Variants in MAN1A1 observed in about 807,000 individuals in gnomAD.
The protein encoded by MAN1A1 is mannosyl-oligosaccharide 1,2-alpha-mannosidase IA.
MAN1A1 carries 29 observed loss-of-function variants against 70.8 expected under a neutral mutation model. The observed-to-expected ratio is 0.41, with a 90% confidence interval of 0.31 to 0.56. The LOEUF is 0.56. Ranked by LOEUF, MAN1A1 falls within the 20% of genes least tolerant of loss-of-function variation. The pLI, the probability that MAN1A1 is intolerant of heterozygous loss-of-function variation, is 0.29. For missense variants in MAN1A1, 747 were observed against 841.3 expected, an observed-to-expected ratio of 0.89 and a Z score of 1.39; for synonymous variants, 349 against 330.1, an observed-to-expected ratio of 1.06 and a Z score of -0.62.
intron 10 of MAN1A1, among the ~76,000 whole-genome samples, chr6:119,189,129 T>C (rs1227920579): frequency 5.3e-5 from 8 of 152,328 alleles, no homozygotes; most frequent in Non-Finnish European, 7.3e-5. Flanking sequence ...ATTTATTTTT[T>C]TCATTTAACC....
intron 6 of MAN1A1, among the ~76,000 whole-genome samples, chr6:119,242,134 G>GACACACATACACAC (rs1554207762): frequency 6.6e-6 from 1 of 150,526 alleles, no homozygotes; most frequent in African/African-American, 2.5e-5. Flanking sequence ...CAGACAGACA[G>GACACACATACACAC]ACACACACAC....
chr6:119,178,012 G>A lies in MAN1A1; in HGVS notation c.*1807C>T, dbSNP rs949427868. On this transcript the variant is annotated 3_prime_UTR_variant, in exon 13 of 13. Coordinates refer to ENST00000368468, the MANE Select transcript of MAN1A1 (RefSeq NM_005907.4). The stretch of plus-strand genomic sequence containing the variant: ...TCTTGCTATCCATTCATTTCATTAG[G>A]TGAACTGAAGATATGAGTGGGAGAA... 9.9e-5 allele frequency: 15 copies of A among 152,156 alleles called. No homozygotes were observed. The highest frequency in any genetic ancestry group is 3.4e-3 in the Middle Eastern group (1 of 294). The allele number at this position is 152,156 out of a possible 1,614,324, so 9.4% of individuals were successfully genotyped here. A position where few individuals can be genotyped will look rare whatever the true frequency, so the allele number is the denominator to read the frequency against.
chr6:119,264,003 G>C (rs750575467), intron 5 of MAN1A1, among the ~76,000 whole-genome samples: 42 of 152,224 alleles, frequency 2.8e-4, no homozygotes, highest in Non-Finnish European at 4.6e-4. Context: ...CTTTCCTAAA[G>C]AGTGGTGACA....
At chr6:119,182,773 G>A (rs911297753) in intron 11 of MAN1A1, among the ~76,000 whole-genome samples, 1 of 152,040 alleles carries the variant, frequency 6.6e-6, no homozygotes, top group Non-Finnish European at 1.5e-5. Flanking sequence ...TAAAGAAAAT[G>A]TAAACAAGAT....
At chr6:119,288,371 T>C (rs1206744119) in intron 5 of MAN1A1, among the ~76,000 whole-genome samples, 3 of 152,110 alleles carry the variant, frequency 2.0e-5, no homozygotes, top group East Asian at 1.9e-4. Flanking sequence ...GTCTGATCTA[T>C]GTAAAAAGTG....
chr6:119,296,195 A>T (rs1233406657), intron 4 of MAN1A1, among the ~76,000 whole-genome samples: 1 of 152,190 alleles, frequency 6.6e-6, no homozygotes, highest in Non-Finnish European at 1.5e-5. Context: ...AAGCAACGTG[A>T]CAAATCTCTT....
At chr6:119,192,396 T>C (rs1324515253) in intron 9 of MAN1A1, among the ~76,000 whole-genome samples, 3 of 152,194 alleles carry the variant, frequency 2.0e-5, no homozygotes, top group Admixed American at 6.5e-5. Flanking sequence ...GTGCCAAATG[T>C]AGGCCAACGT....
intron 2 of MAN1A1, among the ~76,000 whole-genome samples, chr6:119,319,154 A>G (rs1375728254): frequency 6.6e-6 from 1 of 152,108 alleles, no homozygotes; most frequent in Admixed American, 6.5e-5. Context: ...TATGTGATAC[A>G]GTACCATCTT....
chr6:119,301,261 G>C (rs1284375849), intron 4 of MAN1A1, among the ~76,000 whole-genome samples: 1 of 152,126 alleles, frequency 6.6e-6, no homozygotes, highest in East Asian at 1.9e-4. Context: ...CTTAGTATAA[G>C]TTCTTTGTCA....
intron 2 of MAN1A1, among the ~76,000 whole-genome samples, chr6:119,322,400 T>C (rs1264862849): frequency 1.9e-4 from 29 of 152,190 alleles, no homozygotes; most frequent in Admixed American, 1.9e-3. Context: ...TTCTTTGGAA[T>C]CCAGACTCAG....
At chr6:119,205,348 T>A (rs1287482703) in intron 6 of MAN1A1, among the ~76,000 whole-genome samples, 1 of 152,204 alleles carries the variant, frequency 6.6e-6, no homozygotes, top group Non-Finnish European at 1.5e-5. Context: ...ATTCACTAAT[T>A]ATACACTCAC....
At chr6:119,265,694 T>G (rs1017011191) in intron 5 of MAN1A1, among the ~76,000 whole-genome samples, 1 of 152,010 alleles carries the variant, frequency 6.6e-6, no homozygotes, top group Admixed American at 6.5e-5. Flanking sequence ...CGGTGAGAAA[T>G]AGAAGATTTC....
chr6:119,343,421 C>G (rs1426871451), intron 2 of MAN1A1, among the ~76,000 whole-genome samples: 2 of 152,130 alleles, frequency 1.3e-5, no homozygotes, highest in African/African-American at 4.8e-5. Context: ...AATGAATGAG[C>G]TACCTCTCAG....
chr6:119,234,495 C>T (rs6569057), intron 6 of MAN1A1, among the ~76,000 whole-genome samples: 59,513 of 151,764 alleles, frequency 0.39, 12,308 homozygotes, highest in African/African-American at 0.47. Context: ...CTCACTGCAG[C>T]CTTGATCTCC....
chr6:119,314,820 C>T (rs1301478877), intron 2 of MAN1A1, among the ~76,000 whole-genome samples: 2 of 152,120 alleles, frequency 1.3e-5, no homozygotes, highest in Non-Finnish European at 2.9e-5. Context: ...CTTCAATTCT[C>T]ACAGCCTTCC....
chr6:119,264,303 C>T (rs991251501), intron 5 of MAN1A1, among the ~76,000 whole-genome samples: 1 of 152,180 alleles, frequency 6.6e-6, no homozygotes, highest in Non-Finnish European at 1.5e-5. Flanking sequence ...TAGGTTAACT[C>T]AGGTAATTCG....
Position 119,348,505 on chromosome 6 carries a change from G to T in MAN1A1, c.561C>A (p.Pro187=). 6.2e-7 allele frequency: 1 copy of T among 1,610,082 alleles called. No homozygotes were observed. Among genetic ancestry groups the T allele is most frequent in the Non-Finnish European group, 8.5e-7 (1 of 1,178,024 alleles). ...TTTTCTCGCGGATGGCGGCGTCGGC[G>T]GGCTCCCGGCTCTCCACCCCGATTG... ...VPPIGVESRE[P]ADAAIREKRA... Residue 187 remains proline, a synonymous_variant, in exon 2 of 13, where the codon CCC becomes CCA. Transcript: ENST00000368468.
At chr6:119,242,303 G>A (rs1775034627) in intron 6 of MAN1A1, among the ~76,000 whole-genome samples, 1 of 152,038 alleles carries the variant, frequency 6.6e-6, no homozygotes, top group Non-Finnish European at 1.5e-5. Flanking sequence ...TATAATTTTA[G>A]GGAGCAAATT....
chr6:119,341,601 C>A (rs1773594473), intron 2 of MAN1A1, among the ~76,000 whole-genome samples: 1 of 152,152 alleles, frequency 6.6e-6, no homozygotes, highest in African/African-American at 2.4e-5. Flanking sequence ...CTCAAAAAGA[C>A]CAAACTCTCT....
Sources: gnomAD v4.1 joint callset for allele counts (sites outside exome capture counted in the v4.1 genomes callset) on GRCh38, gnomAD v4.1.1 for gene constraint, MANE v1.5 for transcripts, NCBI Gene and HGNC (gene_info 2026-07-23, HGNC 2026-07-21) for gene names.